PDE4B: variants seen among roughly 807,000 people sequenced by gnomAD.
The protein encoded by PDE4B is 3',5'-cyclic-AMP phosphodiesterase 4B.
In PDE4B, 20 loss-of-function variants were observed where a neutral mutation model predicts 82.2. The ratio of observed to expected loss-of-function variants is 0.24; its 90% CI spans 0.17 to 0.35. PDE4B has a LOEUF of 0.35. Among genes scored for constraint, PDE4B ranks in the 10% least tolerant of loss-of-function variants. The probability of loss-of-function intolerance (pLI) is 1.00; values close to 1 mark genes in which losing one functional copy is unlikely to be tolerated. For synonymous variants in PDE4B, 320 were observed against 318.9 expected, an observed-to-expected ratio of 1.00 and a Z score of -0.04; for missense variants, 655 against 907.2, an observed-to-expected ratio of 0.72 and a Z score of 3.57.
intron 3 of PDE4B, among the ~76,000 whole-genome samples, chr1:66,005,495 T>A (rs1212932184): frequency 6.6e-6 from 1 of 152,134 alleles, no homozygotes; most frequent in African/African-American, 2.4e-5. Context: ...TCTCACATAA[T>A]CTTTGATCAG....
At chr1:66,100,201 G>A (rs1447402958) in intron 3 of PDE4B, among the ~76,000 whole-genome samples, 5 of 151,806 alleles carry the variant, frequency 3.3e-5, no homozygotes, top group African/African-American at 4.8e-5. Context: ...CTACAGGTGC[G>A]CACCACCACG....
intron 1 of PDE4B, among the ~76,000 whole-genome samples, chr1:65,878,193 G>T (rs1371338465): frequency 1.3e-5 from 2 of 152,158 alleles, no homozygotes; most frequent in African/African-American, 4.8e-5. Flanking sequence ...AACATCTCAT[G>T]CCAGTTAGAA....
At chr1:65,938,742 A>G (rs1648286295) in intron 3 of PDE4B, among the ~76,000 whole-genome samples, 1 of 152,198 alleles carries the variant, frequency 6.6e-6, no homozygotes, top group African/African-American at 2.4e-5. Flanking sequence ...GCATGAAAGA[A>G]GATTGTATGT....
intron 3 of PDE4B, among the ~76,000 whole-genome samples, chr1:66,119,682 T>A (rs1015618048): frequency 6.6e-6 from 1 of 152,196 alleles, no homozygotes; most frequent in African/African-American, 2.4e-5. Context: ...ATTGTCACTG[T>A]TCTGGGTTAA....
chr1:65,994,317 C>A (rs1651413802), intron 3 of PDE4B, among the ~76,000 whole-genome samples: 1 of 152,116 alleles, frequency 6.6e-6, no homozygotes, highest in Non-Finnish European at 1.5e-5. Context: ...CATGCTTAGC[C>A]AACACATACT....
intron 1 of PDE4B, among the ~76,000 whole-genome samples, chr1:65,852,245 T>C (rs1475421125): frequency 6.6e-6 from 1 of 151,986 alleles, no homozygotes; most frequent in African/African-American, 2.4e-5. Context: ...GATTTTTTTC[T>C]CTCATCTCCA....
chr1:66,004,853 A>T (rs1334837553), intron 3 of PDE4B, among the ~76,000 whole-genome samples: 3 of 151,940 alleles, frequency 2.0e-5, no homozygotes, highest in Non-Finnish European at 4.4e-5. Flanking sequence ...TTATTTATTT[A>T]TTTTTTGAGT....
At chr1:66,114,549 A>G (rs975327253) in intron 3 of PDE4B, among the ~76,000 whole-genome samples, 1 of 152,190 alleles carries the variant, frequency 6.6e-6, no homozygotes, top group Non-Finnish European at 1.5e-5. Context: ...AGCTTAGAAT[A>G]AAAAGAAACC....
intron 1 of PDE4B, among the ~76,000 whole-genome samples, chr1:65,843,839 A>G (rs1374906381): frequency 3.9e-5 from 6 of 152,292 alleles, no homozygotes; most frequent in African/African-American, 1.2e-4. Flanking sequence ...TAAAAATGGC[A>G]TATCTCTACA....
chr1:66,175,499 A>G (rs1386553303), intron 3 of PDE4B, among the ~76,000 whole-genome samples: 1 of 152,218 alleles, frequency 6.6e-6, no homozygotes. Context: ...ATCCAAATAT[A>G]TTATCTCTGA....
chr1:66,254,074 T>C (rs1653998527), intron 4 of PDE4B, among the ~76,000 whole-genome samples: 2 of 152,186 alleles, frequency 1.3e-5, no homozygotes, highest in African/African-American at 4.8e-5. Context: ...TTAATTAGCT[T>C]TTATTAGATA....
chr1:66,257,909 CA>C, intron 6 of PDE4B, 46 bp downstream of exon 6: 1 of 1,252,458 alleles, frequency 8.0e-7, no homozygotes. Flanking sequence ...AACATAAAGG[CA>C]AAAAATATTG....
At chr1:66,180,713 T>C (rs568331598) in intron 3 of PDE4B, among the ~76,000 whole-genome samples, 1 of 152,266 alleles carries the variant, frequency 6.6e-6, no homozygotes, top group East Asian at 1.9e-4. Flanking sequence ...TAAAACAGAT[T>C]GCCCACAGTT....
At chr1:66,209,556 T>C (rs1412246005) in intron 3 of PDE4B, among the ~76,000 whole-genome samples, 3 of 152,336 alleles carry the variant, frequency 2.0e-5, no homozygotes, top group East Asian at 1.9e-4. Context: ...ATAAATGAAA[T>C]GCACATGTTT....
intron 1 of PDE4B, among the ~76,000 whole-genome samples, chr1:65,864,680 T>C (rs1191210029): frequency 6.6e-6 from 1 of 152,158 alleles, no homozygotes; most frequent in African/African-American, 2.4e-5. Flanking sequence ...TTCACCTGGG[T>C]ATTACCAGTG....
At chr1:66,040,971 T>A (rs1654335891) in intron 3 of PDE4B, among the ~76,000 whole-genome samples, 1 of 151,926 alleles carries the variant, frequency 6.6e-6, no homozygotes, top group African/African-American at 2.4e-5. Flanking sequence ...AGTGGCCCCA[T>A]CTTTTTAAAA....
rs775826686 is a variant in PDE4B, at chr1:66,372,573, C to T, written c.2106C>T (p.Phe702=). 3.1e-6 allele frequency: 5 copies of T among 1,614,182 alleles called. No homozygotes were observed. In the East Asian group the frequency reaches 6.7e-5, roughly 22 times the overall value. ...AGGAGGGAGAGGGACACAGCTATTT[C>T]AGCAGCACAAAGACGCTTTGTGTGA... ...PEKEGEGHSY[F]SSTKTLCVID... is the part of the protein sequence containing the mutation. Residue 702 remains phenylalanine, a synonymous_variant, in exon 17 of 17, where the codon TTC becomes TTT. Transcript: ENST00000341517.
At chr1:66,365,144 C>T (rs1006446298) in intron 12 of PDE4B, among the ~76,000 whole-genome samples, 2 of 152,072 alleles carry the variant, frequency 1.3e-5, no homozygotes, top group Admixed American at 6.6e-5. Flanking sequence ...TTAGTGGGTA[C>T]GTACTGAATG....
chr1:66,031,575 C>CA (rs1469043565), intron 3 of PDE4B, among the ~76,000 whole-genome samples: 3 of 152,100 alleles, frequency 2.0e-5, no homozygotes, highest in Non-Finnish European at 4.4e-5. Flanking sequence ...AATTAAAGAA[C>CA]ACTTGTTTTC....
Sources: allele counts gnomAD v4.1 joint callset (sites outside exome capture counted in the v4.1 genomes callset), GRCh38; gene constraint gnomAD v4.1.1; transcripts MANE v1.5; gene names NCBI Gene and HGNC (gene_info 2026-07-23, HGNC 2026-07-21).